TMEM154: variants seen among roughly 807,000 people sequenced by gnomAD.
TMEM154 encodes transmembrane protein 154.
Under a neutral mutation model 24.5 loss-of-function variants are expected in TMEM154, and 27 were observed. The observed-to-expected ratio is 1.10, with a 90% CI of 0.81 to 1.52. TMEM154 has a LOEUF of 1.52. TMEM154 is among the 40% of genes most tolerant of loss of function. The pLI is 0.00. For synonymous variants in TMEM154, 67 were observed against 76.8 expected (o/e 0.87, Z 0.67); for missense variants, 228 against 213.4 (o/e 1.07, Z -0.43).
At chr4:152,666,073 C>T (rs1253041122) in intron 1 of TMEM154, among the ~76,000 whole-genome samples, 1 of 152,022 alleles carries the variant, frequency 6.6e-6, no homozygotes, top group Non-Finnish European at 1.5e-5. Flanking sequence ...AGGCATGAGC[C>T]ACCAAGTCCT....
rs957965988 is a variant in TMEM154, at chr4:152,641,991, C to T, written c.479-1006G>A. Among the ~76,000 whole-genome samples, 15 of 130,794 alleles carry T rather than the reference C, an allele frequency of 1.1e-4. No individual in the cohort carries two copies. The South Asian group carries it at 3.8e-3, about 33-fold the overall frequency. 85.8% of individuals were successfully genotyped at this position (130,794 alleles called of 152,430 possible). On this transcript the variant is annotated intron_variant, in intron 5 of 6. Transcript: ENST00000304385. The stretch of plus-strand genomic sequence containing the variant: ...AGGCTGGAGTGCAGTGGCACAATCT[C>T]GGCTCACTGCAACCTCCGCCTCCTG...
chr4:152,664,342 G>A (rs757662561), intron 1 of TMEM154, among the ~76,000 whole-genome samples: 3 of 151,336 alleles, frequency 2.0e-5, no homozygotes, highest in South Asian at 2.1e-4. Context: ...CATGGACACA[G>A]GGAGGGGAAC....
chr4:152,645,990 A>C (rs2149782021), intron 3 of TMEM154, among the ~76,000 whole-genome samples: 1 of 151,132 alleles, frequency 6.6e-6, no homozygotes, highest in South Asian at 2.1e-4. Context: ...GACACCACAA[A>C]CCCACACTTT....
chr4:152,647,460 A>T (rs1728278967), intron 3 of TMEM154: 3 of 418,122 alleles, frequency 7.2e-6, no homozygotes, highest in Non-Finnish European at 9.6e-6. Context: ...GGCTGATAAG[A>T]GAAAAAAATT....
chr4:152,679,979 T>G lies in TMEM154; in HGVS notation c.-46A>C. 6.5e-7 allele frequency: 1 copy of G among 1,547,648 alleles called. No individual in the cohort carries two copies. The highest frequency in any genetic ancestry group is 8.8e-7 in the Non-Finnish European group (1 of 1,133,114). ...GCGCGCTCAGGATGCTGCGCCGGGC[T>G]GCAGCCTCTCTGAAACGTGAACATT... On this transcript the variant is annotated 5_prime_UTR_variant, in exon 1 of 7. Transcript: ENST00000304385.
At chr4:152,640,868 G>A in intron 6 of TMEM154, 60 bp downstream of exon 6, 1 of 1,398,410 alleles carries the variant, frequency 7.2e-7, no homozygotes, top group Non-Finnish European at 1.0e-6. Flanking sequence ...TTCCACCCTG[G>A]TTCCCAATCC....
intron 3 of TMEM154, among the ~76,000 whole-genome samples, chr4:152,649,299 G>A (rs956872694): frequency 3.9e-5 from 6 of 152,224 alleles, no homozygotes; most frequent in African/African-American, 1.4e-4. Flanking sequence ...CTTAAAAATC[G>A]AATCCGAGCG....
chr4:152,661,339 T>TCTCC (rs1253714624), intron 1 of TMEM154, among the ~76,000 whole-genome samples: 2 of 115,892 alleles, frequency 1.7e-5, no homozygotes, highest in African/African-American at 6.5e-5. Context: ...TCTCTCTCTC[T>TCTCC]CTCCCCCCAA....
intron 6 of TMEM154, among the ~76,000 whole-genome samples, chr4:152,639,563 A>G (rs2149779902): frequency 6.6e-6 from 1 of 150,394 alleles, no homozygotes; most frequent in Non-Finnish European, 1.5e-5. Flanking sequence ...CCTGCTTGTT[A>G]ATCAATCTCT....
Position 152,663,017 on chromosome 4 carries a change from C to T in TMEM154, c.65-10090G>A, listed in dbSNP as rs148124704. Among the ~76,000 whole-genome samples the T allele has an allele frequency of 2.6e-3, 402 of 152,266 alleles. 1 individual carries two copies. Among genetic ancestry groups the T allele is most frequent in the African/African-American group, 9.1e-3 (378 of 41,548 alleles). On this transcript the variant is annotated intron_variant, in intron 1 of 6. Transcript: ENST00000304385. ...CCTTGGGGCCTGGGAAGAATTCCCT[C>T]CCTCTCTAATTCTCCATTTCCTAAA...
At chr4:152,662,821 G>A (rs1394472724) in intron 1 of TMEM154, among the ~76,000 whole-genome samples, 2 of 151,848 alleles carry the variant, frequency 1.3e-5, no homozygotes, top group Non-Finnish European at 2.9e-5. Flanking sequence ...GTGGAGGAAG[G>A]CAGAACTCTC....
chr4:152,647,773 G>A (rs932675563), intron 3 of TMEM154, among the ~76,000 whole-genome samples: 1 of 152,186 alleles, frequency 6.6e-6, no homozygotes, highest in Non-Finnish European at 1.5e-5. Context: ...CTTATGCCAG[G>A]TACTGATTTT....
intron 3 of TMEM154, among the ~76,000 whole-genome samples, chr4:152,645,212 C>T (rs1579517209): frequency 1.3e-5 from 2 of 152,118 alleles, no homozygotes; most frequent in East Asian, 3.8e-4. Context: ...ATCCCCTCAG[C>T]TCTGAGCCAG....
intron 3 of TMEM154, among the ~76,000 whole-genome samples, chr4:152,648,753 AAAATC>A (rs1246545115): frequency 6.6e-6 from 1 of 152,210 alleles, no homozygotes; most frequent in Non-Finnish European, 1.5e-5. Context: ...AATTCAATGA[AAAATC>A]AATTTCTGGA....
chr4:152,658,320 T>C (rs1364566680), intron 1 of TMEM154, among the ~76,000 whole-genome samples: 1 of 151,990 alleles, frequency 6.6e-6, no homozygotes, highest in Non-Finnish European at 1.5e-5. Context: ...TAGTAACAAA[T>C]ACCTACATCA....
chr4:152,632,114 T>C (rs538829469), intron 6 of TMEM154, among the ~76,000 whole-genome samples: 7 of 152,302 alleles, frequency 4.6e-5, no homozygotes, highest in Admixed American at 3.3e-4. Context: ...GCCAAATCTA[T>C]CCTTTTCAAA....
intron 3 of TMEM154, among the ~76,000 whole-genome samples, chr4:152,651,451 G>C (rs773168596): frequency 7.2e-5 from 11 of 152,178 alleles, no homozygotes; most frequent in Non-Finnish European, 1.3e-4. Context: ...AGTCCTTGCT[G>C]CTTCATCTTG....
chr4:152,628,586 AAAAAAACAAAAAAAACACAC>A, intron 6 of TMEM154, 25 bp from the exon 7 acceptor site: 2 of 1,094,964 alleles, frequency 1.8e-6, no homozygotes, highest in Non-Finnish European at 2.4e-6. Flanking sequence ...AAAAAAAAAA[AAAAAAACAAAAAAAACACAC>A]ACACACACAC....
intron 1 of TMEM154, among the ~76,000 whole-genome samples, chr4:152,678,554 TGGGG>T (rs1399155597): frequency 1.9e-5 from 1 of 51,748 alleles, no homozygotes; most frequent in South Asian, 6.6e-4. Context: ...GCAGTGGTGG[TGGGG>T]GGTGGAGGAG....
Sources: gnomAD v4.1 joint callset for allele counts (sites outside exome capture counted in the v4.1 genomes callset) on GRCh38, gnomAD v4.1.1 for gene constraint, MANE v1.5 for transcripts, NCBI Gene and HGNC (gene_info 2026-07-23, HGNC 2026-07-21) for gene names.